FGGY: variants seen among roughly 807,000 people sequenced by gnomAD.
FGGY encodes the protein FGGY carbohydrate kinase domain containing, also known as FGGY carbohydrate kinase domain-containing protein.
A neutral mutation model predicts 71.3 loss-of-function variants in FGGY; 72 were observed. The ratio of observed to expected loss-of-function variants is 1.01; its 90% CI spans 0.84 to 1.23. The LOEUF (loss-of-function observed/expected upper bound fraction) is 1.23. FGGY is among the 50% of genes most tolerant of loss of function. FGGY has a pLI of 0.00. For synonymous variants in FGGY, 251 were observed against 250.3 expected, an observed-to-expected ratio of 1.00 and a Z score of -0.02; for missense variants, 668 against 682.3, an observed-to-expected ratio of 0.98 and a Z score of 0.23.
chr1:59,315,033 G>T (rs1180156750), intron 1 of FGGY, among the ~76,000 whole-genome samples: 1 of 152,176 alleles, frequency 6.6e-6, no homozygotes, highest in Non-Finnish European at 1.5e-5. Flanking sequence ...GAACTTCTTG[G>T]TACTGGGGCT....
At chr1:59,614,506 G>T (rs1284218252) in intron 9 of FGGY, among the ~76,000 whole-genome samples, 3 of 152,022 alleles carry the variant, frequency 2.0e-5, no homozygotes, top group Admixed American at 2.0e-4. Flanking sequence ...TCTCAAAATA[G>T]TAAGAGCTAT....
intron 8 of FGGY, among the ~76,000 whole-genome samples, chr1:59,577,298 AT>A (rs2096098032): frequency 6.6e-6 from 1 of 152,232 alleles, no homozygotes; most frequent in African/African-American, 2.4e-5. Context: ...CAGGACAAAA[AT>A]AAAATTCTAC....
At chr1:59,501,799 G>T (rs75776019) in intron 6 of FGGY, among the ~76,000 whole-genome samples, 1,789 of 152,162 alleles carry the variant, frequency 0.012, 33 homozygotes, top group African/African-American at 0.041. Context: ...GCTTTCACAG[G>T]TTCTGCAGTT....
intron 12 of FGGY, among the ~76,000 whole-genome samples, chr1:59,665,628 C>A (rs796421001): frequency 1.3e-5 from 2 of 152,084 alleles, no homozygotes; most frequent in African/African-American, 4.8e-5. Context: ...CCCCAACCCC[C>A]CTAAGACGTG....
chr1:59,612,270 G>A (rs915030880), intron 9 of FGGY, among the ~76,000 whole-genome samples: 1 of 152,210 alleles, frequency 6.6e-6, no homozygotes. Context: ...CCCACAAAAG[G>A]AAGCCCATCA....
At chr1:59,410,565 G>A (rs2063465334) in intron 5 of FGGY, among the ~76,000 whole-genome samples, 1 of 152,102 alleles carries the variant, frequency 6.6e-6, no homozygotes, top group African/African-American at 2.4e-5. Context: ...GATGGTATAG[G>A]GATAGGGTGT....
chr1:59,355,525 C>T (rs1157540002), intron 4 of FGGY, among the ~76,000 whole-genome samples: 1 of 151,814 alleles, frequency 6.6e-6, no homozygotes, highest in African/African-American at 2.4e-5. Flanking sequence ...TTCTGGTTGA[C>T]AACACTTCAT....
rs7525206 is a variant in FGGY, at chr1:59,381,679, G to C, written c.554+2842G>C. 1.4e-3 allele frequency among the ~76,000 whole-genome samples: 204 copies of C among 147,730 alleles called. 1 individual carries two copies. Among genetic ancestry groups the C allele is most frequent in the African/African-American group, 4.0e-3 (159 of 39,534 alleles). On this transcript the variant is annotated intron_variant, in intron 5 of 15. Coordinates refer to ENST00000303721, the MANE Select transcript of FGGY (RefSeq NM_018291.5). ...TGTGTGTGTGTGTGTGTATATTTTGGCCTCTAATATTAACTAGGAGATACA... is the reference window on the plus strand; with the variant it reads ...TGTGTGTGTGTGTGTGTATATTTTGCCCTCTAATATTAACTAGGAGATACA...
At chr1:59,542,453 T>TC (rs1418073039) in intron 7 of FGGY, among the ~76,000 whole-genome samples, 7 of 125,432 alleles carry the variant, frequency 5.6e-5, no homozygotes, top group Non-Finnish European at 1.2e-4. Context: ...TACTTTTTTT[T>TC]TTTTTTTTTT....
chr1:59,667,257 T>G (rs750649322), intron 12 of FGGY, 26 bp from the exon 13 acceptor site: 3 of 1,613,726 alleles, frequency 1.9e-6, no homozygotes, highest in Non-Finnish European at 2.5e-6. Flanking sequence ...ACTATACTGA[T>G]GCTATCTTCT....
chr1:59,460,291 T>C (rs1224238668), intron 6 of FGGY, among the ~76,000 whole-genome samples: 2 of 152,120 alleles, frequency 1.3e-5, no homozygotes, highest in African/African-American at 2.4e-5. Flanking sequence ...GGAGCCTTGC[T>C]CTCACTGCTA....
intron 14 of FGGY, among the ~76,000 whole-genome samples, chr1:59,697,423 A>G (rs1387099821): frequency 5.9e-5 from 9 of 151,938 alleles, no homozygotes; most frequent in African/African-American, 2.2e-4. Context: ...CTCTTTAGAT[A>G]CCTCATATAA....
chr1:59,514,391 T>G (rs1366641242), intron 7 of FGGY, among the ~76,000 whole-genome samples: 1 of 152,194 alleles, frequency 6.6e-6, no homozygotes, highest in Non-Finnish European at 1.5e-5. Context: ...AAAACACACC[T>G]TCTCACTTCT....
chr1:59,349,196 G>A (rs926237177), intron 4 of FGGY, among the ~76,000 whole-genome samples: 1 of 152,170 alleles, frequency 6.6e-6, no homozygotes, highest in African/African-American at 2.4e-5. Context: ...CCAAATCTCA[G>A]CTTATTCCAT....
chr1:59,334,438 C>A (rs904927009), intron 2 of FGGY, among the ~76,000 whole-genome samples: 1 of 152,146 alleles, frequency 6.6e-6, no homozygotes, highest in Non-Finnish European at 1.5e-5. Flanking sequence ...GCCATTGCAC[C>A]CGGCCCCCAC....
At chr1:59,432,490 G>A (rs933361636) in intron 5 of FGGY, among the ~76,000 whole-genome samples, 3 of 152,204 alleles carry the variant, frequency 2.0e-5, no homozygotes, top group African/African-American at 7.2e-5. Context: ...AGTTAGTTTA[G>A]AATTGAATTG....
chr1:59,592,882 A>G (rs1030203487), intron 8 of FGGY, among the ~76,000 whole-genome samples: 52 of 152,198 alleles, frequency 3.4e-4, no homozygotes, highest in African/African-American at 1.2e-3. Context: ...ACATGTATAC[A>G]TATATAACTA....
At chr1:59,626,213 C>A (rs906301487) in intron 10 of FGGY, 164 bp downstream of exon 10, 6 of 550,294 alleles carry the variant, frequency 1.1e-5, no homozygotes, top group South Asian at 9.3e-5. Flanking sequence ...TGTATTAATT[C>A]TTTAAATGAG....
Position 59,473,104 on chromosome 1 carries a change from T to C in FGGY, c.670+16028T>C, listed in dbSNP as rs575623489. On this transcript the variant is annotated intron_variant, in intron 6 of 15. Transcript: ENST00000303721. The stretch of plus-strand genomic sequence containing the variant: ...AACCCACTCGGGTCCCCTTCCACAC[T>C]GTGGAAGCTTTGTTCTTTCTCTCTT... Among the ~76,000 whole-genome samples the C allele has an allele frequency of 2.7e-3, 413 of 152,274 alleles. 4 individuals carry two copies. The highest frequency in any genetic ancestry group is 4.0e-3 in the Non-Finnish European group (271 of 68,022).
Sources: allele counts gnomAD v4.1 joint callset (sites outside exome capture counted in the v4.1 genomes callset), GRCh38; gene constraint gnomAD v4.1.1; transcripts MANE v1.5; gene names NCBI Gene and HGNC (gene_info 2026-07-23, HGNC 2026-07-21).